Variants in ZRSR2 observed in about 807,000 individuals in gnomAD.
ZRSR2 encodes U2 small nuclear ribonucleoprotein auxiliary factor 35 kDa subunit-related protein 2.
Under a neutral mutation model 39.4 loss-of-function variants are expected in ZRSR2, and 3 were observed. The ratio of observed to expected loss-of-function variants is 0.08; its 90% CI spans 0.03 to 0.20. ZRSR2 has a LOEUF of 0.20. Among genes scored for constraint, ZRSR2 ranks in the 10% least tolerant of loss-of-function variants. The pLI is 1.00. For synonymous variants in ZRSR2, 137 were observed against 136.0 expected, an observed-to-expected ratio of 1.01 and a Z score of -0.05; for missense variants, 256 against 391.5, an observed-to-expected ratio of 0.65 and a Z score of 2.92.
chrX:15,811,428 C>A (rs1470310299), intron 7 of ZRSR2, among the ~76,000 whole-genome samples: 2 of 109,656 alleles, frequency 1.8e-5, no homozygotes, highest in African/African-American at 6.6e-5. Context: ...TTCTCACCCC[C>A]CCCCCTTTTT....
intron 3 of ZRSR2, among the ~76,000 whole-genome samples, chrX:15,802,483 G>A (rs762904079): frequency 7.1e-5 from 8 of 112,369 alleles, no homozygotes; most frequent in African/African-American, 9.7e-5. Context: ...TTTTTGAGAC[G>A]AAGTCTCGCT....
At chrX:15,821,829 T>A (rs1295108933) in intron 10 of ZRSR2, among the ~76,000 whole-genome samples, 1 of 111,114 alleles carries the variant, frequency 9.0e-6, no homozygotes, top group Admixed American at 9.7e-5. Flanking sequence ...TTACTGCTTT[T>A]AAAAAACGTT....
At chrX:15,795,088 T>TCC (rs35705626) in intron 2 of ZRSR2, among the ~76,000 whole-genome samples, 6 of 59,301 alleles carry the variant, frequency 1.0e-4, no homozygotes, top group Admixed American at 4.1e-4. Context: ...CCTGCACTTT[T>TCC]CCCCCCCCCC....
chrX:15,809,142 A>G lies in ZRSR2; in HGVS notation c.439-58A>G, dbSNP rs1241342139. On this transcript the variant is annotated intron_variant, in intron 6 of 10. Coordinates refer to ENST00000307771, the MANE Select transcript of ZRSR2 (RefSeq NM_005089.4). ...GGAAAATATTTTAATATACTTTGAA[A>G]CATTTCGTCTTTCATGGGTTTTTAC... 3.7e-6 allele frequency: 3 copies of G among 805,751 alleles called. No individual in the cohort carries two copies. The African/African-American group carries it at 6.1e-5, about 16-fold the overall frequency. 66.4% of individuals were successfully genotyped at this position (805,751 alleles called of 1,213,427 possible).
intron 2 of ZRSR2, among the ~76,000 whole-genome samples, chrX:15,796,792 T>G (rs920136983): frequency 2.0e-3 from 162 of 79,805 alleles, no homozygotes; most frequent in Non-Finnish European, 3.4e-3. Flanking sequence ...TCGTTTTTTT[T>G]TTTTTTTTTT....
rs975581373 is a variant in ZRSR2, at chrX:15,797,120, A to T, written c.122-2752A>T. Among the ~76,000 whole-genome samples the T allele has an allele frequency of 2.7e-5, 3 of 110,308 alleles. No individual in the cohort carries two copies. In the Admixed American group the frequency reaches 2.9e-4, roughly 11 times the overall value. ...TGTTTCAAATGCTTTAAGCAAGGAA[A>T]CAATAAAACACTTAACTTATATTGT... On this transcript the variant is annotated intron_variant, in intron 2 of 10. Coordinates refer to ENST00000307771, the MANE Select transcript of ZRSR2 (RefSeq NM_005089.4).
intron 2 of ZRSR2, among the ~76,000 whole-genome samples, chrX:15,794,357 T>C (rs1569063115): frequency 9.0e-6 from 1 of 110,654 alleles, no homozygotes; most frequent in Non-Finnish European, 1.9e-5. Context: ...AGTGGAAAAT[T>C]TGCATATAAC....
chrX:15,822,441 G>T (rs898343824), intron 10 of ZRSR2, among the ~76,000 whole-genome samples: 2 of 112,279 alleles, frequency 1.8e-5, no homozygotes, highest in African/African-American at 6.5e-5. Context: ...AGATAACGTG[G>T]TCACCATTTG....
intron 1 of ZRSR2, 175 bp from the exon 2 acceptor site, chrX:15,790,759 G>C: frequency 1.7e-6 from 1 of 601,242 alleles, no homozygotes; most frequent in Non-Finnish European, 2.6e-6. Flanking sequence ...AGAACTGTCT[G>C]GGAGTGGGAG....
At chrX:15,800,808 A>G (rs775416255) in intron 3 of ZRSR2, among the ~76,000 whole-genome samples, 1 of 112,811 alleles carries the variant, frequency 8.9e-6, no homozygotes, top group East Asian at 2.8e-4. Flanking sequence ...ATTCATTTAT[A>G]ATTTATAGTT....
At position 15,799,923 on chromosome X, in the gene ZRSR2, T is replaced by C. The variant is rs1569065513; in HGVS notation, c.173T>C (p.Leu58Pro). 8.3e-7 allele frequency: 1 copy of C among 1,203,116 alleles called. No homozygotes were observed. Among genetic ancestry groups the C allele is most frequent in the East Asian group, 3.0e-5 (1 of 33,641 alleles). Reference sequence around the variant, plus strand: ...GACACTTTTATTGAAGAACAACAACTAGAAGAAGAGAAGCTATTGGAAAGA... The same window carrying C: ...GACACTTTTATTGAAGAACAACAACCAGAAGAAGAGAAGCTATTGGAAAGA... ...EEDTFIEEQQLEEEKLLERER... is the reference protein window; with the variant it reads ...EEDTFIEEQQPEEEKLLERER... Residue 58 changes from leucine to proline, a missense_variant, in exon 3 of 11, where the codon CTA (leucine) becomes CCA (proline). Around this residue, in one of 3 missense-constraint regions of ZRSR2, gnomAD observed 87 missense variants for 111.7 expected, o/e 0.78. Transcript: ENST00000307771.
intron 7 of ZRSR2, among the ~76,000 whole-genome samples, 178 bp downstream of exon 7, chrX:15,809,496 G>T (rs763598199): frequency 1.8e-5 from 2 of 112,514 alleles, no homozygotes; most frequent in South Asian, 7.2e-4. Flanking sequence ...GACCATCCCT[G>T]TTCCCTCTAT....
intron 1 of ZRSR2, 197 bp from the exon 2 acceptor site, chrX:15,790,736 TG>T: frequency 1.6e-6 from 1 of 644,462 alleles, no homozygotes; most frequent in East Asian, 3.5e-5. Context: ...AGGATCAGGT[TG>T]GCGGATGGAG....
At position 15,802,467 on chromosome X, in the gene ZRSR2, T is replaced by A. The variant is rs770045935; in HGVS notation, c.204-1221T>A. Reference sequence around the variant, plus strand: ...GACACTCACTAATTTATTTTTATTTTTTCATTTTTTGAGACGAAGTCTCGC... The same window carrying A: ...GACACTCACTAATTTATTTTTATTTATTCATTTTTTGAGACGAAGTCTCGC... On this transcript the variant is annotated intron_variant, in intron 3 of 10. Coordinates refer to ENST00000307771, the MANE Select transcript of ZRSR2 (RefSeq NM_005089.4). Among the ~76,000 whole-genome samples, 24 of 112,789 alleles carry A rather than the reference T, an allele frequency of 2.1e-4. 2 individuals are homozygous for A. In the South Asian group the frequency reaches 7.9e-3, roughly 37 times the overall value.
intron 10 of ZRSR2, among the ~76,000 whole-genome samples, chrX:15,821,916 G>A (rs751942023): frequency 1.8e-5 from 2 of 111,149 alleles, no homozygotes; most frequent in South Asian, 7.6e-4. Flanking sequence ...AAAGCACTTA[G>A]TGAATTTGAA....
chrX:15,796,994 A>G (rs1055638835), intron 2 of ZRSR2, among the ~76,000 whole-genome samples: 3 of 106,928 alleles, frequency 2.8e-5, no homozygotes, highest in Non-Finnish European at 3.8e-5. Context: ...GGGTTTCGCC[A>G]TGTTGGCCAG....
At chrX:15,814,506 C>T (rs182442818) in intron 7 of ZRSR2, among the ~76,000 whole-genome samples, 4 of 111,797 alleles carry the variant, frequency 3.6e-5, no homozygotes, top group African/African-American at 1.3e-4. Context: ...ACGCCTATGG[C>T]ATGCGCCAGC....
Position 15,790,490 on chromosome X carries a change from G to A in ZRSR2, c.-6G>A, listed in dbSNP as rs1043534512. 10 of 1,158,947 alleles carry A rather than the reference G, an allele frequency of 8.6e-6. No homozygotes were observed. The African/African-American group carries it at 1.8e-4, about 21-fold the overall frequency. On this transcript the variant is annotated 5_prime_UTR_variant, in exon 1 of 11. Coordinates refer to ENST00000307771, the MANE Select transcript of ZRSR2 (RefSeq NM_005089.4). Reference sequence around the variant, plus strand: ...AGACCTGGAGGGGCGGGGCGGTGCCGGCAAGATGGCTGCGCCCGAGAAGAT... The same window carrying A: ...AGACCTGGAGGGGCGGGGCGGTGCCAGCAAGATGGCTGCGCCCGAGAAGAT...
chrX:15,813,932 C>T (rs1932921668), intron 7 of ZRSR2, among the ~76,000 whole-genome samples: 1 of 111,001 alleles, frequency 9.0e-6, no homozygotes, highest in African/African-American at 3.3e-5. Flanking sequence ...TAAGCATTAT[C>T]TCAGTAGGTG....
Sources: allele counts gnomAD v4.1 joint callset (sites outside exome capture counted in the v4.1 genomes callset), GRCh38; gene constraint gnomAD v4.1.1; regional missense constraint gnomAD v4.1.1; transcripts MANE v1.5; gene names NCBI Gene and HGNC (gene_info 2026-07-23, HGNC 2026-07-21).